SP140L: variants seen among roughly 807,000 people sequenced by gnomAD.
The protein encoded by SP140L is SP140 like nuclear body protein.
A neutral mutation model predicts 84.3 loss-of-function variants in SP140L; 64 were observed. That is an observed-to-expected ratio of 0.76 (90% CI 0.62 to 0.94). SP140L has a LOEUF of 0.94. Ranked by LOEUF, SP140L falls within the 40% of genes least tolerant of loss-of-function variation. The probability of loss-of-function intolerance (pLI) is 0.00; values close to 1 mark genes in which losing one functional copy is unlikely to be tolerated. For synonymous variants in SP140L, 242 were observed against 236.9 expected (o/e 1.02, Z -0.20); for missense variants, 628 against 692.5 (o/e 0.91, Z 1.05).
chr2:230,363,204 A>G (rs1017675792), intron 5 of SP140L, among the ~76,000 whole-genome samples: 1 of 152,232 alleles, frequency 6.6e-6, no homozygotes, highest in South Asian at 2.1e-4. Context: ...GATGGATCAT[A>G]TGGCAGTTCT....
intron 2 of SP140L, among the ~76,000 whole-genome samples, chr2:230,349,092 G>A (rs1334642413): frequency 6.6e-6 from 1 of 152,132 alleles, no homozygotes; most frequent in Non-Finnish European, 1.5e-5. Flanking sequence ...TTGTATTTTT[G>A]TGTGTATCTA....
intron 2 of SP140L, among the ~76,000 whole-genome samples, chr2:230,346,989 A>G (rs1308479238): frequency 6.6e-6 from 1 of 152,214 alleles, no homozygotes; most frequent in African/African-American, 2.4e-5. Context: ...CATTTGAGGA[A>G]GAAGTAACCT....
At chr2:230,334,717 A>ATG (rs1055965791) in intron 2 of SP140L, among the ~76,000 whole-genome samples, 1 of 136,350 alleles carries the variant, frequency 7.3e-6, no homozygotes, top group Non-Finnish European at 1.6e-5. Flanking sequence ...AATTATATGT[A>ATG]TATATATATA....
intron 2 of SP140L, among the ~76,000 whole-genome samples, chr2:230,353,189 C>T (rs1227498418): frequency 6.6e-6 from 1 of 151,974 alleles, no homozygotes; most frequent in African/African-American, 2.4e-5. Context: ...TTCTAAATAG[C>T]CTGTAACTAC....
Position 230,359,166 on chromosome 2 carries a change from G to A in SP140L, c.439+34G>A, listed in dbSNP as rs1222063834. ...GTTTATTATCTACCTTTTGATTTCCGGGGCCAATTTTTTTCAATAAGCATA... is the reference window on the plus strand; with the variant it reads ...GTTTATTATCTACCTTTTGATTTCCAGGGCCAATTTTTTTCAATAAGCATA... On this transcript the variant is annotated intron_variant, in intron 4 of 18. Coordinates refer to ENST00000415673, the MANE Select transcript of SP140L (RefSeq NM_138402.6). 1.1e-5 allele frequency: 17 copies of A among 1,590,208 alleles called. No homozygotes were observed. The Middle Eastern group carries it at 5.0e-4, about 47-fold the overall frequency.
intron 2 of SP140L, among the ~76,000 whole-genome samples, chr2:230,340,726 T>G (rs1391630863): frequency 2.1e-4 from 25 of 119,674 alleles, no homozygotes; most frequent in Admixed American, 1.7e-4. Flanking sequence ...GTCTGTAAAG[T>G]ATTTTATTTC....
intron 5 of SP140L, among the ~76,000 whole-genome samples, chr2:230,369,962 C>T (rs1351710867): frequency 1.3e-5 from 2 of 148,774 alleles, no homozygotes; most frequent in African/African-American, 5.2e-5. Flanking sequence ...TTAGTAGAGA[C>T]AGAGTTTCAC....
chr2:230,400,182 G>C lies in SP140L; in HGVS notation c.1253G>C (p.Cys418Ser). 1 of 1,614,174 alleles carries C rather than the reference G, an allele frequency of 6.2e-7. No homozygotes were observed. Among genetic ancestry groups the C allele is most frequent in the South Asian group, 1.1e-5 (1 of 91,072 alleles). ...VCRDGGELFC[C>S]DTCSRVFHED... The stretch of plus-strand genomic sequence containing the variant: ...CGGGACGGAGGGGAGCTGTTCTGTT[G>C]CGACACTTGTTCAAGAGTCTTCCAT... Residue 418 changes from cysteine to serine, a missense_variant, in exon 15 of 19, where the codon TGC becomes TCC. Cys to Ser is a moderately radical substitution (Grantham distance 112, BLOSUM62 -1). Around this residue, in one of 4 missense-constraint regions of SP140L, gnomAD observed 525 missense variants for 518.4 expected, o/e 1.01. Coordinates refer to ENST00000415673, the MANE Select transcript of SP140L (RefSeq NM_138402.6).
At chr2:230,344,813 T>C (rs1030349919) in intron 2 of SP140L, among the ~76,000 whole-genome samples, 1 of 152,244 alleles carries the variant, frequency 6.6e-6, no homozygotes, top group Non-Finnish European at 1.5e-5. Flanking sequence ...TATTTATGTA[T>C]ACCTTACAGA....
intron 7 of SP140L, among the ~76,000 whole-genome samples, chr2:230,375,366 G>A (rs2061210304): frequency 6.6e-6 from 1 of 152,136 alleles, no homozygotes; most frequent in African/African-American, 2.4e-5. Flanking sequence ...AATGAACATG[G>A]GGGTGCAGAT....
At chr2:230,396,176 G>C (rs920638589) in intron 13 of SP140L, among the ~76,000 whole-genome samples, 2 of 152,200 alleles carry the variant, frequency 1.3e-5, no homozygotes, top group Non-Finnish European at 2.9e-5. Flanking sequence ...CTCTGACTTG[G>C]CCTGGGCAAA....
rs1045256623 is a variant in SP140L, at chr2:230,354,952, G to A, written c.108-2853G>A. 3.3e-5 allele frequency among the ~76,000 whole-genome samples: 5 copies of A among 151,566 alleles called. No individual in the cohort carries two copies. In the East Asian group the frequency reaches 5.9e-4, roughly 18 times the overall value. ...AAAAAGAAAAAGAAAAAGAAAGAAA[G>A]AGAAAGAAAGGGAAAGAGGTAAGAA... On this transcript the variant is annotated intron_variant, in intron 2 of 18. Transcript: ENST00000415673.
At chr2:230,369,339 A>T (rs553210332) in intron 5 of SP140L, among the ~76,000 whole-genome samples, 1 of 152,070 alleles carries the variant, frequency 6.6e-6, no homozygotes, top group Non-Finnish European at 1.5e-5. Flanking sequence ...ACTGAAGGCC[A>T]GAGCCACTGG....
At chr2:230,384,250 T>C (rs2061497309) in intron 8 of SP140L, among the ~76,000 whole-genome samples, 1 of 152,336 alleles carries the variant, frequency 6.6e-6, no homozygotes, top group East Asian at 1.9e-4. Context: ...AAGAAAAGCC[T>C]AGGAGAATAT....
chr2:230,380,512 C>G (rs2061369255), intron 7 of SP140L, among the ~76,000 whole-genome samples: 1 of 152,114 alleles, frequency 6.6e-6, no homozygotes, highest in African/African-American at 2.4e-5. Flanking sequence ...ATGAAATGCA[C>G]AAGTATTAAG....
chr2:230,388,743 T>A, intron 10 of SP140L, 110 bp downstream of exon 10: 2 of 873,968 alleles, frequency 2.3e-6, no homozygotes, highest in Non-Finnish European at 1.6e-6. Flanking sequence ...TATGAAGCTA[T>A]ACTAACTATT....
At chr2:230,387,481 G>A (rs182091044) in intron 9 of SP140L, among the ~76,000 whole-genome samples, 2 of 152,304 alleles carry the variant, frequency 1.3e-5, no homozygotes. Flanking sequence ...CAAGCCATAG[G>A]TCTACTTTGG....
In SP140L at chr2:230,327,239, C is replaced by G; in HGVS notation, c.-31C>G. 1 of 1,603,054 alleles carries G rather than the reference C, an allele frequency of 6.2e-7. No individual in the cohort carries two copies. The highest frequency in any genetic ancestry group is 8.5e-7 in the Non-Finnish European group (1 of 1,174,744). On this transcript the variant is annotated 5_prime_UTR_variant, in exon 1 of 19. Transcript: ENST00000415673. ...GACTGGGGAGCTCATAGGCCAGGCT[C>G]TGACACCCAGGCAGGGCCTAGGGTG...
intron 7 of SP140L, among the ~76,000 whole-genome samples, chr2:230,380,223 G>A (rs989034753): frequency 1.3e-5 from 2 of 152,112 alleles, no homozygotes; most frequent in Non-Finnish European, 2.9e-5. Context: ...ATCAGATCTC[G>A]TGAGACTTGT....
Sources: gnomAD v4.1 joint callset for allele counts (sites outside exome capture counted in the v4.1 genomes callset) on GRCh38, gnomAD v4.1.1 for gene constraint, gnomAD v4.1.1 regional missense constraint, MANE v1.5 for transcripts, NCBI Gene and HGNC (gene_info 2026-07-23, HGNC 2026-07-21) for gene names.